PDE4B: variants seen among roughly 807,000 people sequenced by gnomAD.
The protein encoded by PDE4B is 3',5'-cyclic-AMP phosphodiesterase 4B.
A neutral mutation model predicts 82.2 loss-of-function variants in PDE4B; 20 were observed. That is an observed-to-expected ratio of 0.24 (90% confidence interval 0.17 to 0.35). The LOEUF (loss-of-function observed/expected upper bound fraction) is 0.35. Ranked by LOEUF, PDE4B falls within the 10% of genes least tolerant of loss-of-function variation. The pLI is 1.00. For missense variants in PDE4B, 655 were observed against 907.2 expected (o/e 0.72, Z 3.57); for synonymous variants, 320 against 318.9 (o/e 1.00, Z -0.04).
chr1:65,864,141 T>C (rs1427154860), intron 1 of PDE4B, among the ~76,000 whole-genome samples: 2 of 151,944 alleles, frequency 1.3e-5, no homozygotes, highest in Non-Finnish European at 2.9e-5. Context: ...TTCCTTCTGC[T>C]TGATCAATTC....
chr1:66,135,833 AT>A (rs1446840866), intron 3 of PDE4B, among the ~76,000 whole-genome samples: 3 of 152,180 alleles, frequency 2.0e-5, no homozygotes, highest in Non-Finnish European at 4.4e-5. Context: ...CTGGTTTCAT[AT>A]GGTAGTTAAA....
At chr1:65,954,403 A>G (rs1175622075) in intron 3 of PDE4B, among the ~76,000 whole-genome samples, 1 of 152,070 alleles carries the variant, frequency 6.6e-6, no homozygotes, top group Non-Finnish European at 1.5e-5. Flanking sequence ...TAGCAACCTA[A>G]TTGTCATTAA....
chr1:65,876,769 G>A (rs1346682554), intron 1 of PDE4B, among the ~76,000 whole-genome samples: 1 of 152,054 alleles, frequency 6.6e-6, no homozygotes, highest in Non-Finnish European at 1.5e-5. Context: ...GTGTGTTTCT[G>A]TCCATTTTCA....
chr1:65,867,090 T>C (rs1646520475), intron 1 of PDE4B, among the ~76,000 whole-genome samples: 1 of 152,154 alleles, frequency 6.6e-6, no homozygotes, highest in Non-Finnish European at 1.5e-5. Context: ...GGAATAAGAC[T>C]GATAACAAGT....
At chr1:66,183,662 T>C (rs1570416984) in intron 3 of PDE4B, among the ~76,000 whole-genome samples, 2 of 152,232 alleles carry the variant, frequency 1.3e-5, no homozygotes, top group South Asian at 4.1e-4. Flanking sequence ...AAGGCAGATG[T>C]TATATTTATC....
intron 7 of PDE4B, among the ~76,000 whole-genome samples, chr1:66,290,389 T>A (rs545739): frequency 0.62 from 94,203 of 151,942 alleles, 29,844 homozygotes; most frequent in African/African-American, 0.72. Flanking sequence ...CTCAATCCTC[T>A]TAGTAACCTT....
chr1:66,331,467 A>G (rs774001187), intron 7 of PDE4B, among the ~76,000 whole-genome samples: 1 of 152,232 alleles, frequency 6.6e-6, no homozygotes, highest in African/African-American at 2.4e-5. Flanking sequence ...AACCTGAAGT[A>G]TTTGTTTAGA....
chr1:66,292,831 A>G (rs1391076865), intron 7 of PDE4B, among the ~76,000 whole-genome samples: 1 of 152,196 alleles, frequency 6.6e-6, no homozygotes, highest in Non-Finnish European at 1.5e-5. Context: ...CTAATTCTAC[A>G]TGATTTGAAA....
At chr1:65,900,702 A>G (rs191877450) in intron 1 of PDE4B, among the ~76,000 whole-genome samples, 40 of 152,082 alleles carry the variant, frequency 2.6e-4, no homozygotes, top group African/African-American at 9.2e-4. Flanking sequence ...TAGGTATGTT[A>G]CATTTTTGCA....
At chr1:65,911,421 C>T (rs1461308051) in intron 1 of PDE4B, among the ~76,000 whole-genome samples, 1 of 151,990 alleles carries the variant, frequency 6.6e-6, no homozygotes. Flanking sequence ...TTTATATGCT[C>T]ACAACTTTAC....
intron 3 of PDE4B, among the ~76,000 whole-genome samples, chr1:66,223,108 T>G (rs1229849939): frequency 6.6e-6 from 1 of 152,096 alleles, no homozygotes; most frequent in East Asian, 1.9e-4. Context: ...AATTCAGCAA[T>G]AAGCAAAAAC....
At chr1:65,877,398 G>C (rs1242884997) in intron 1 of PDE4B, among the ~76,000 whole-genome samples, 1 of 152,028 alleles carries the variant, frequency 6.6e-6, no homozygotes, top group African/African-American at 2.4e-5. Flanking sequence ...GGCGGATCAT[G>C]AGGTCAGGAG....
intron 3 of PDE4B, among the ~76,000 whole-genome samples, chr1:66,049,525 G>A (rs1354869247): frequency 6.6e-6 from 1 of 151,962 alleles, no homozygotes; most frequent in African/African-American, 2.4e-5. Context: ...GGCTATTTCT[G>A]GAGGTTTTTC....
chr1:65,949,156 A>G (rs924534855), intron 3 of PDE4B, among the ~76,000 whole-genome samples: 3 of 151,960 alleles, frequency 2.0e-5, no homozygotes, highest in African/African-American at 7.2e-5. Flanking sequence ...CTCCATTGCT[A>G]TTAGGGAACC....
intron 1 of PDE4B, among the ~76,000 whole-genome samples, chr1:65,895,549 CAAAA>C (rs10605148): frequency 0.084 from 7,704 of 91,928 alleles, 215 homozygotes; most frequent in South Asian, 0.15. Flanking sequence ...GACACTGTCT[CAAAA>C]AAAAAAAAAA....
At chr1:65,812,962 T>C (rs1645836816) in intron 1 of PDE4B, among the ~76,000 whole-genome samples, 1 of 152,150 alleles carries the variant, frequency 6.6e-6, no homozygotes, top group Admixed American at 6.5e-5. Flanking sequence ...AGAATGAAGA[T>C]AAGGACACTA....
chr1:66,001,450 T>G (rs1021394089), intron 3 of PDE4B, among the ~76,000 whole-genome samples: 1 of 152,208 alleles, frequency 6.6e-6, no homozygotes, highest in Non-Finnish European at 1.5e-5. Flanking sequence ...CTTGCTGTTA[T>G]TACAATTCAT....
rs1033101754 is a variant in PDE4B, at chr1:66,304,808, A to G, written c.635-27700A>G. ...CTCACCTTCTTTTAAAACTACTGCTATAGGACATTACTAAAATCCACTTCC... is the reference window on the plus strand; with the variant it reads ...CTCACCTTCTTTTAAAACTACTGCTGTAGGACATTACTAAAATCCACTTCC... On this transcript the variant is annotated intron_variant, in intron 7 of 16. Transcript: ENST00000341517. Among the ~76,000 whole-genome samples the G allele has an allele frequency of 3.3e-5, 5 of 152,104 alleles. No individual in the cohort carries two copies. The South Asian group carries it at 8.3e-4, about 25-fold the overall frequency.
At position 66,225,073 on chromosome 1, in the gene PDE4B, A is replaced by T. The variant is rs532367518; in HGVS notation, c.282-22387A>T. 4.6e-5 allele frequency among the ~76,000 whole-genome samples: 7 copies of T among 152,236 alleles called. No individual in the cohort carries two copies. The South Asian group carries it at 1.5e-3, about 32-fold the overall frequency. On this transcript the variant is annotated intron_variant, in intron 3 of 16. Coordinates refer to ENST00000341517, the MANE Select transcript of PDE4B (RefSeq NM_002600.4). Reference sequence around the variant, plus strand: ...ACCACTTCACCTTGGCTCCTCGAGGACTTTGCACCTGCATCTGTCTCCTCC... The same window carrying T: ...ACCACTTCACCTTGGCTCCTCGAGGTCTTTGCACCTGCATCTGTCTCCTCC...
Sources: allele counts gnomAD v4.1 joint callset (sites outside exome capture counted in the v4.1 genomes callset), GRCh38; gene constraint gnomAD v4.1.1; transcripts MANE v1.5; gene names NCBI Gene and HGNC (gene_info 2026-07-23, HGNC 2026-07-21).